The following ADGRV1 variants were observed in gnomAD, a reference collection of about 807,000 sequenced individuals.
The protein encoded by ADGRV1 is G-protein coupled receptor 98.
Under a neutral mutation model 596.2 loss-of-function variants are expected in ADGRV1, and 359 were observed. The ratio of observed to expected loss-of-function variants is 0.60; its 90% confidence interval spans 0.55 to 0.66. The LOEUF (loss-of-function observed/expected upper bound fraction) is 0.66. Ranked by LOEUF, ADGRV1 falls within the 30% of genes least tolerant of loss-of-function variation. The pLI is 0.00. For synonymous variants in ADGRV1, 2,681 were observed against 2,679.2 expected (o/e 1.00, Z -0.02); for missense variants, 7,274 against 7,575.6 (o/e 0.96, Z 1.48).
At chr5:90,657,527 A>G (rs987739554) in intron 20 of ADGRV1, among the ~76,000 whole-genome samples, 3 of 152,292 alleles carry the variant, frequency 2.0e-5, no homozygotes, top group African/African-American at 4.8e-5. Context: ...TTAAAATACC[A>G]TAGAATAAAT....
At chr5:90,742,605 AAGAG>A (rs1394883556) in intron 50 of ADGRV1, among the ~76,000 whole-genome samples, 2 of 152,020 alleles carry the variant, frequency 1.3e-5, no homozygotes, top group Non-Finnish European at 2.9e-5. Context: ...GGCAGAGAGA[AAGAG>A]AGAGCATGTG....
intron 1 of ADGRV1, among the ~76,000 whole-genome samples, chr5:90,568,674 T>C (rs995467895): frequency 9.9e-5 from 15 of 152,220 alleles, no homozygotes; most frequent in Admixed American, 7.9e-4. Flanking sequence ...GTTAATCTTT[T>C]ATTTAGTCGT....
chr5:91,124,520 G>C (rs905541657), intron 87 of ADGRV1, among the ~76,000 whole-genome samples: 1 of 152,130 alleles, frequency 6.6e-6, no homozygotes, highest in Non-Finnish European at 1.5e-5. Context: ...GTTGTACTGT[G>C]AGCAAAAATA....
At chr5:91,132,367 G>A (rs1462823989) in intron 87 of ADGRV1, among the ~76,000 whole-genome samples, 2 of 151,996 alleles carry the variant, frequency 1.3e-5, no homozygotes, top group Admixed American at 6.6e-5. Context: ...TCACATTTTA[G>A]GTATTTCTGA....
chr5:90,788,182 G>A lies in ADGRV1; in HGVS notation c.13765G>A (p.Val4589Met), dbSNP rs375258567. 5.0e-6 allele frequency: 8 copies of A among 1,613,740 alleles called. No homozygotes were observed. In the Admixed American group the frequency reaches 8.3e-5, roughly 17 times the overall value. Reference sequence around the variant, plus strand: ...CTATTTTGGAGAAGGAGAAGGAGGAGTGAGAACCATAATTCTGACAATCTA... The same window carrying A: ...CTATTTTGGAGAAGGAGAAGGAGGAATGAGAACCATAATTCTGACAATCTA... ...LFYFGEGEGGVRTIILTIYPH... is the reference protein window; with the variant it reads ...LFYFGEGEGGMRTIILTIYPH... Residue 4589 changes from valine (V) to methionine (M), a missense_variant, in exon 68 of 90, where the codon GTG becomes ATG. Physicochemically the swap from Val to Met is conservative, Grantham distance 21. Around this residue, in one of 5 missense-constraint regions of ADGRV1, gnomAD observed 3,643 missense variants for 3,809.2 expected, o/e 0.96. Coordinates refer to ENST00000405460, the MANE Select transcript of ADGRV1 (RefSeq NM_032119.4).
chr5:91,077,721 T>G (rs1216181378), intron 86 of ADGRV1, among the ~76,000 whole-genome samples: 1 of 152,154 alleles, frequency 6.6e-6, no homozygotes, highest in Non-Finnish European at 1.5e-5. Context: ...CTTCAGTGGG[T>G]GGATGTGCAG....
intron 83 of ADGRV1, among the ~76,000 whole-genome samples, chr5:90,949,384 T>C (rs1776871857): frequency 6.6e-6 from 1 of 152,082 alleles, no homozygotes; most frequent in Non-Finnish European, 1.5e-5. Context: ...ATTTTTAAGG[T>C]GATGATAAAG....
rs1271882836 is a variant in ADGRV1, at chr5:90,810,851, C to T, written c.15591C>T (p.Gly5197=). 1 of 1,613,914 alleles carries T rather than the reference C, an allele frequency of 6.2e-7. No individual in the cohort carries two copies. Among genetic ancestry groups the T allele is most frequent in the Non-Finnish European group, 8.5e-7 (1 of 1,179,908 alleles). Residue 5197 remains glycine (G), a synonymous_variant, in exon 74 of 90, where the codon GGC becomes GGT. Transcript: ENST00000405460. ...CTGAGAAACTTGTCACCCTTCATGGCACACCTGCTGTGTCTGAAAAGCCTG... is the reference window on the plus strand; with the variant it reads ...CTGAGAAACTTGTCACCCTTCATGGTACACCTGCTGTGTCTGAAAAGCCTG... ...AIPEKLVTLH[G]TPAVSEKPDV...
At chr5:91,159,324 C>T (rs1465751388) in intron 89 of ADGRV1, among the ~76,000 whole-genome samples, 1 of 152,132 alleles carries the variant, frequency 6.6e-6, no homozygotes, top group African/African-American at 2.4e-5. Context: ...CAAATGAATT[C>T]TGATGTGGGC....
Position 90,614,969 on chromosome 5 carries a change from C to A in ADGRV1, c.157C>A (p.Leu53Ile). ...VNETSTTVIR[L>I]IIERIGEPAN... is the part of the protein sequence containing the mutation. ...TGAAACAAGTACAACAGTTATTCGTCTTATCATTGAAAGGATAGGAGAGCC... is the reference window on the plus strand; with the variant it reads ...TGAAACAAGTACAACAGTTATTCGTATTATCATTGAAAGGATAGGAGAGCC... The change falls in exon 2 of 90, where the codon CTT becomes ATT. Residue 53 changes from leucine (L) to isoleucine (I), a missense_variant. Transcript: ENST00000405460. The A allele has an allele frequency of 6.4e-7, 1 of 1,559,390 alleles. No homozygotes were observed. The highest frequency in any genetic ancestry group is 8.7e-7 in the Non-Finnish European group (1 of 1,148,802).
intron 85 of ADGRV1, among the ~76,000 whole-genome samples, chr5:90,988,454 T>G (rs1032675554): frequency 1.4e-4 from 22 of 152,212 alleles, no homozygotes; most frequent in African/African-American, 4.8e-4. Flanking sequence ...TACTGGTGTT[T>G]CCTAAGTGCT....
intron 38 of ADGRV1, among the ~76,000 whole-genome samples, chr5:90,707,896 G>A (rs1269272737): frequency 1.3e-5 from 2 of 152,054 alleles, no homozygotes; most frequent in Admixed American, 6.6e-5. Context: ...GTGGTAGGGA[G>A]GAAGTATTGC....
chr5:90,740,643 C>T (rs1279677538), intron 50 of ADGRV1, among the ~76,000 whole-genome samples: 1 of 152,148 alleles, frequency 6.6e-6, no homozygotes, highest in African/African-American at 2.4e-5. Flanking sequence ...GCTTGTCTGT[C>T]ACTGTGAGCC....
chr5:90,592,638 G>C (rs1217930831), intron 1 of ADGRV1, among the ~76,000 whole-genome samples: 1 of 152,174 alleles, frequency 6.6e-6, no homozygotes, highest in African/African-American at 2.4e-5. Flanking sequence ...CACAGCAAAA[G>C]AAACTACCAG....
Position 90,728,754 on chromosome 5 carries a change from G to A in ADGRV1, c.10247G>A (p.Gly3416Glu), listed in dbSNP as rs1455003943. 2 of 1,613,910 alleles carry A rather than the reference G, an allele frequency of 1.2e-6. No homozygotes were observed. Among genetic ancestry groups the A allele is most frequent in the East Asian group, 2.2e-5 (1 of 44,878 alleles). ...CTGACCGTGGCCTTGTTCAACAAGG[G>A]AGGCTCTGTGTTCTTAGCCATTTCC... is the stretch of plus-strand genomic sequence containing the variant. ...GVLTVALFNK[G>E]GSVFLAISQA... The change falls in exon 49 of 90, where the codon GGA (glycine) becomes GAA (glutamate). Residue 3416 changes from glycine (G) to glutamate (E), a missense_variant. Coordinates refer to ENST00000405460, the MANE Select transcript of ADGRV1 (RefSeq NM_032119.4).
At chr5:90,844,905 T>TGGA (rs1029711324) in intron 78 of ADGRV1, among the ~76,000 whole-genome samples, 1 of 152,208 alleles carries the variant, frequency 6.6e-6, no homozygotes, top group African/African-American at 2.4e-5. Context: ...ACTGGCCTTG[T>TGGA]GGAGCCAGCC....
chr5:90,645,956 C>G lies in ADGRV1; in HGVS notation c.2899-12C>G, dbSNP rs1240498494. On this transcript the variant is annotated splice_polypyrimidine_tract_variant and intron_variant, in intron 15 of 89. Coordinates refer to ENST00000405460, the MANE Select transcript of ADGRV1 (RefSeq NM_032119.4). ...AAGTCACCTGACTTAAAACGTGTAA[C>G]ATTTTCCAAAGATTCCAGAAGAAAT... is the stretch of plus-strand genomic sequence containing the variant. 6.3e-7 allele frequency: 1 copy of G among 1,576,210 alleles called. No homozygotes were observed. Among genetic ancestry groups the G allele is most frequent in the Non-Finnish European group, 8.6e-7 (1 of 1,160,806 alleles).
At chr5:90,568,634 T>C (rs1015400397) in intron 1 of ADGRV1, among the ~76,000 whole-genome samples, 3 of 152,188 alleles carry the variant, frequency 2.0e-5, no homozygotes, top group Non-Finnish European at 4.4e-5. Flanking sequence ...CTAGTTAGTT[T>C]ACAGTATTTT....
At chr5:91,091,860 T>C (rs924987983) in intron 86 of ADGRV1, 2 of 152,086 alleles carry the variant, frequency 1.3e-5, no homozygotes, top group South Asian at 2.1e-4. Context: ...CATGCCCACT[T>C]ACATCAGGGA....
Sources: gnomAD v4.1 joint callset for allele counts (sites outside exome capture counted in the v4.1 genomes callset) on GRCh38, gnomAD v4.1.1 for gene constraint, gnomAD v4.1.1 regional missense constraint, MANE v1.5 for transcripts, NCBI Gene and HGNC (gene_info 2026-07-23, HGNC 2026-07-21) for gene names.